Variants in SMARCC1 observed in about 807,000 individuals in gnomAD.
The protein encoded by SMARCC1 is SWI/SNF related BAF chromatin remodeling complex subunit C1.
Under a neutral mutation model 147.4 loss-of-function variants are expected in SMARCC1, and 43 were observed. That is an observed-to-expected ratio of 0.29 (90% CI 0.23 to 0.38). The LOEUF (loss-of-function observed/expected upper bound fraction) is 0.38, where lower values mean the gene tolerates loss of function less well. SMARCC1 is among the 10% of genes least tolerant of loss of function. The pLI is 1.00. For missense variants in SMARCC1, 1,119 were observed against 1,381.1 expected (o/e 0.81, Z 3.01); for synonymous variants, 495 against 484.4 (o/e 1.02, Z -0.29).
At chr3:47,701,537 G>C in intron 10 of SMARCC1, 135 bp from the exon 11 acceptor site, 1 of 810,522 alleles carries the variant, frequency 1.2e-6, no homozygotes, top group Non-Finnish European at 2.0e-6. Flanking sequence ...ACAGTAGGTC[G>C]GTCGCGGTGG....
intron 2 of SMARCC1, among the ~76,000 whole-genome samples, chr3:47,749,175 G>A (rs562669598): frequency 6.6e-6 from 1 of 151,976 alleles, no homozygotes; most frequent in African/African-American, 2.4e-5. Context: ...GTGGTGGCAC[G>A]CACCTGCAGT....
At position 47,728,367 on chromosome 3, in the gene SMARCC1, C is replaced by T. The variant is rs113916487; in HGVS notation, c.646+658G>A. Among the ~76,000 whole-genome samples the T allele has an allele frequency of 3.9e-3, 593 of 152,178 alleles. 4 individuals are homozygous for T. Among genetic ancestry groups the T allele is most frequent in the African/African-American group, 0.013 (557 of 41,530 alleles). Reference sequence around the variant, plus strand: ...ACTCCCAAACTGCTGGGATTACAGGCGTGAGACACCAGGTCCAGCCCTCAT... The same window carrying T: ...ACTCCCAAACTGCTGGGATTACAGGTGTGAGACACCAGGTCCAGCCCTCAT... On this transcript the variant is annotated intron_variant, in intron 6 of 27. Coordinates refer to ENST00000254480, the MANE Select transcript of SMARCC1 (RefSeq NM_003074.4).
intron 26 of SMARCC1, among the ~76,000 whole-genome samples, chr3:47,605,731 T>A (rs568000634): frequency 6.6e-6 from 1 of 152,272 alleles, no homozygotes; most frequent in Non-Finnish European, 1.5e-5. Context: ...CCTGATAATG[T>A]CACTGCACTC....
At chr3:47,733,450 C>T (rs1001974883) in intron 5 of SMARCC1, among the ~76,000 whole-genome samples, 2 of 151,952 alleles carry the variant, frequency 1.3e-5, no homozygotes, top group Non-Finnish European at 2.9e-5. Context: ...TGGAGCACAC[C>T]TGTTGTTAAA....
intron 11 of SMARCC1, among the ~76,000 whole-genome samples, chr3:47,694,458 G>A (rs2033824508): frequency 6.6e-6 from 1 of 152,036 alleles, no homozygotes; most frequent in African/African-American, 2.4e-5. Flanking sequence ...AAACTAGCTG[G>A]GCATGGTGGT....
chr3:47,708,014 C>A (rs1184863119), intron 9 of SMARCC1, among the ~76,000 whole-genome samples: 2 of 143,440 alleles, frequency 1.4e-5, no homozygotes, highest in Non-Finnish European at 3.0e-5. Context: ...TATGTAATAG[C>A]AGTTTGAAAA....
intron 25 of SMARCC1, among the ~76,000 whole-genome samples, chr3:47,615,583 A>G (rs1559626219): frequency 6.6e-6 from 1 of 152,202 alleles, no homozygotes; most frequent in African/African-American, 2.4e-5. Context: ...TCAATGTCTC[A>G]TCCATCCTTT....
Position 47,587,952 on chromosome 3 carries a change from A to G in SMARCC1, c.*257T>C. 1 of 490,352 alleles carries G rather than the reference A, an allele frequency of 2.0e-6. No individual in the cohort carries two copies. 30.4% of individuals were successfully genotyped at this position (490,352 alleles called of 1,614,324 possible). ...TGTCAGCTTACTCCCACACCAGGAC[A>G]GGGGAGATGCAGGTTATTTTAAGGA... On this transcript the variant is annotated 3_prime_UTR_variant, in exon 28 of 28. Transcript: ENST00000254480.
At chr3:47,708,098 T>C (rs909241179) in intron 9 of SMARCC1, among the ~76,000 whole-genome samples, 56 of 114,574 alleles carry the variant, frequency 4.9e-4, no homozygotes, top group African/African-American at 1.5e-3. Flanking sequence ...TTTTTTTTTT[T>C]TTTTTTTTTT....
chr3:47,589,687 T>TA (rs752624280), intron 27 of SMARCC1, among the ~76,000 whole-genome samples: 26 of 152,186 alleles, frequency 1.7e-4, no homozygotes, highest in Non-Finnish European at 1.0e-4. Context: ...GTCAGACATG[T>TA]CTCTGTCCAT....
intron 24 of SMARCC1, among the ~76,000 whole-genome samples, chr3:47,629,137 C>T (rs1329188146): frequency 2.0e-5 from 3 of 152,210 alleles, no homozygotes; most frequent in African/African-American, 7.2e-5. Context: ...ACGATGACTG[C>T]TCTGTGTCTC....
At chr3:47,607,039 A>T (rs898591977) in intron 26 of SMARCC1, among the ~76,000 whole-genome samples, 1 of 152,132 alleles carries the variant, frequency 6.6e-6, no homozygotes, top group Non-Finnish European at 1.5e-5. Context: ...TTAAATAACT[A>T]TTGTTCTTGA....
chr3:47,655,687 C>T lies in SMARCC1; in HGVS notation c.2320+5607G>A, dbSNP rs969110712. Among the ~76,000 whole-genome samples, 6 of 151,268 alleles carry T rather than the reference C, an allele frequency of 4.0e-5. No individual in the cohort carries two copies. The East Asian group carries it at 5.9e-4, about 15-fold the overall frequency. ...CCATACTCCAGTCTGGGTGACAGAG[C>T]GAGACTCTGTCTCAAAACAAAAAAT... is the stretch of plus-strand genomic sequence containing the variant. On this transcript the variant is annotated intron_variant, in intron 21 of 27. Coordinates refer to ENST00000254480, the MANE Select transcript of SMARCC1 (RefSeq NM_003074.4).
intron 26 of SMARCC1, among the ~76,000 whole-genome samples, chr3:47,609,414 A>G (rs920861318): frequency 6.6e-6 from 1 of 151,762 alleles, no homozygotes; most frequent in East Asian, 1.9e-4. Flanking sequence ...GGAGAATGGC[A>G]TGAACCCAGG....
chr3:47,641,470 G>A (rs1386523685), intron 21 of SMARCC1, among the ~76,000 whole-genome samples: 1 of 152,134 alleles, frequency 6.6e-6, no homozygotes, highest in Non-Finnish European at 1.5e-5. Flanking sequence ...GGATGACAGA[G>A]TGATACCCTG....
At chr3:47,667,312 C>T (rs1447485645) in intron 19 of SMARCC1, among the ~76,000 whole-genome samples, 4 of 109,950 alleles carry the variant, frequency 3.6e-5, no homozygotes, top group African/African-American at 6.1e-5. Flanking sequence ...AGCGAGACTC[C>T]GTCTCAAAAA....
chr3:47,636,903 G>T (rs2032978340), intron 22 of SMARCC1, among the ~76,000 whole-genome samples: 1 of 150,688 alleles, frequency 6.6e-6, no homozygotes, highest in Admixed American at 6.6e-5. Context: ...CAACAAAGAA[G>T]CAAGTTGAAA....
At chr3:47,680,704 C>T (rs991399728) in intron 14 of SMARCC1, among the ~76,000 whole-genome samples, 196 bp from the exon 15 acceptor site, 13 of 148,332 alleles carry the variant, frequency 8.8e-5, no homozygotes, top group South Asian at 2.2e-4. Flanking sequence ...CCCGCCACTA[C>T]GCCCGGCTAA....
Position 47,720,878 on chromosome 3 carries a change from A to G in SMARCC1, c.647-143T>C. ...CATGCTGTTGCTGGTTTGGAAAGAA[A>G]AAGTTTTCAAATTGAGTACTATCTA... On this transcript the variant is annotated intron_variant, in intron 6 of 27. Coordinates refer to ENST00000254480, the MANE Select transcript of SMARCC1 (RefSeq NM_003074.4). 1.0e-5 allele frequency: 7 copies of G among 674,152 alleles called. No individual in the cohort carries two copies. The South Asian group carries it at 1.1e-4, about 11-fold the overall frequency. 41.8% of individuals were successfully genotyped at this position (674,152 alleles called of 1,614,324 possible).
Sources: gnomAD v4.1 joint callset for allele counts (sites outside exome capture counted in the v4.1 genomes callset) on GRCh38, gnomAD v4.1.1 for gene constraint, MANE v1.5 for transcripts, NCBI Gene and HGNC (gene_info 2026-07-23, HGNC 2026-07-21) for gene names.